NCAPD3: variants seen among roughly 807,000 people sequenced by gnomAD.
NCAPD3 encodes the protein condensin-2 complex subunit D3.
In NCAPD3, 105 loss-of-function variants were observed where a neutral mutation model predicts 182.9. The ratio of observed to expected loss-of-function variants is 0.57; its 90% CI spans 0.49 to 0.68. The LOEUF (loss-of-function observed/expected upper bound fraction) is 0.68, where lower values mean the gene tolerates loss of function less well. Ranked by LOEUF, NCAPD3 falls within the 30% of genes least tolerant of loss-of-function variation. The pLI is 0.00. For synonymous variants in NCAPD3, 815 were observed against 679.9 expected, an observed-to-expected ratio of 1.20 and a Z score of -3.09; for missense variants, 1,944 against 1,837.0, an observed-to-expected ratio of 1.06 and a Z score of -1.07.
upstream of NCAPD3, chr11:134,224,022 C>G: frequency 1.4e-6 from 2 of 1,447,230 alleles, no homozygotes; most frequent in Non-Finnish European, 1.9e-6. Context: ...TCACAACGTA[C>G]AGAATTTCCC....
intron 19 of NCAPD3, among the ~76,000 whole-genome samples, chr11:134,182,778 T>C (rs1163484083): frequency 6.6e-6 from 1 of 152,262 alleles, no homozygotes; most frequent in Non-Finnish European, 1.5e-5. Context: ...CTTTGGGTAA[T>C]CTGTTGCTCT....
intron 30 of NCAPD3, 114 bp from the exon 31 acceptor site, chr11:134,158,181 T>C: frequency 2.0e-6 from 3 of 1,520,048 alleles, no homozygotes; most frequent in East Asian, 2.3e-5. Flanking sequence ...ACCACCCTCA[T>C]TCAAACCTCC....
chr11:134,213,140 C>G (rs978537725), intron 3 of NCAPD3, among the ~76,000 whole-genome samples: 1 of 152,076 alleles, frequency 6.6e-6, no homozygotes, highest in Non-Finnish European at 1.5e-5. Context: ...CCAGCCTGGG[C>G]AACAACATAG....
At position 134,192,779 on chromosome 11, in the gene NCAPD3, CG is replaced by C; in HGVS notation, c.1954del (p.Arg652GlyfsTer30). On this transcript the variant is annotated frameshift_variant, in exon 16 of 35. Coordinates refer to ENST00000534548, the MANE Select transcript of NCAPD3 (RefSeq NM_015261.3). LOFTEE classifies it high-confidence loss of function. ...CCCAGAGTGAAAATGACTGTGATGCCGGATGTTCTGCAGCAGCAGCTGGTCC... is the reference window on the plus strand; with the variant it reads ...CCCAGAGTGAAAATGACTGTGATGCCGATGTTCTGCAGCAGCAGCTGGTCC... ...FLDQLLLQNI[R>X]HHSHFHSGDD... The C allele has an allele frequency of 6.2e-7, 1 of 1,614,188 alleles. No homozygotes were observed. The highest frequency in any genetic ancestry group is 8.5e-7 in the Non-Finnish European group (1 of 1,180,032).
intron 15 of NCAPD3, among the ~76,000 whole-genome samples, chr11:134,193,790 C>CT (rs1165165738): frequency 6.6e-6 from 1 of 152,112 alleles, no homozygotes; most frequent in African/African-American, 2.4e-5. Context: ...GAAGAAAGGG[C>CT]TAACAATTGG....
chr11:134,201,463 T>C (rs994284198), intron 13 of NCAPD3, among the ~76,000 whole-genome samples: 2 of 152,218 alleles, frequency 1.3e-5, no homozygotes, highest in East Asian at 1.9e-4. Context: ...TGTACAATCT[T>C]GTGACTATAC....
intron 24 of NCAPD3, 141 bp from the exon 25 acceptor site, chr11:134,169,195 CG>C (rs1362880001): frequency 1.3e-6 from 1 of 767,848 alleles, no homozygotes; most frequent in East Asian, 3.1e-5. Flanking sequence ...ACAGTTCCCT[CG>C]GATCCAAAGA....
chr11:134,176,402 C>G lies in NCAPD3; in HGVS notation c.3022-16G>C, dbSNP rs202214177. 6.8e-6 allele frequency: 11 copies of G among 1,611,580 alleles called. No individual in the cohort carries two copies. The highest frequency in any genetic ancestry group is 9.3e-6 in the Non-Finnish European group (11 of 1,177,968). ...CAAATTCCTCCTGTGCAGAGAGAAG[C>G]CGGCATGTTTCAGAGTGCGTCATCA... On this transcript the variant is annotated splice_polypyrimidine_tract_variant and intron_variant, in intron 23 of 34. Coordinates refer to ENST00000534548, the MANE Select transcript of NCAPD3 (RefSeq NM_015261.3).
intron 7 of NCAPD3, 50 bp from the exon 8 acceptor site, chr11:134,206,782 G>A: frequency 1.1e-5 from 17 of 1,566,654 alleles, no homozygotes; most frequent in Non-Finnish European, 1.5e-5. Context: ...GAACACAAGG[G>A]TCTCAGACAT....
At chr11:134,155,424 TAAAG>T (rs1943392849) in intron 32 of NCAPD3, among the ~76,000 whole-genome samples, 1 of 152,138 alleles carries the variant, frequency 6.6e-6, no homozygotes, top group Non-Finnish European at 1.5e-5. Context: ...TGGTTCAGTA[TAAAG>T]AGAGACGGAC....
At position 134,202,889 on chromosome 11, in the gene NCAPD3, C is replaced by T; in HGVS notation, c.1542G>A (p.Arg514=). 2.5e-6 allele frequency: 4 copies of T among 1,601,012 alleles called. No homozygotes were observed. The highest frequency in any genetic ancestry group is 3.4e-6 in the Non-Finnish European group (4 of 1,176,770). ...LRNSSAFSYQ[R]QTSNRSEPSG... ...AGGGTTCGGAACGGTTAGATGTCTG[C>T]CTTTGGTAGGAAAAAGCTTTAAAAA... Residue 514 remains arginine (R), a synonymous_variant, in exon 13 of 35, where the codon AGG becomes AGA. Coordinates refer to ENST00000534548, the MANE Select transcript of NCAPD3 (RefSeq NM_015261.3).
chr11:134,204,703 A>AGTTTTTTT lies in NCAPD3; in HGVS notation c.1089+188_1089+195dup, dbSNP rs201693307. 1.3e-5 allele frequency among the ~76,000 whole-genome samples: 2 copies of AGTTTTTTT among 152,040 alleles called. No individual in the cohort carries two copies. Among genetic ancestry groups the AGTTTTTTT allele is most frequent in the Non-Finnish European group, 2.9e-5 (2 of 68,010 alleles). Reference sequence around the variant, plus strand: ...TATGTTCAACATTTTTCCAAAACAAAGTTTTTTTGTTTTTTTGTTTTTTAT... The same window carrying AGTTTTTTT: ...TATGTTCAACATTTTTCCAAAACAAAGTTTTTTTGTTTTTTTGTTTTTTTGTTTTTTAT... On this transcript the variant is annotated intron_variant, in intron 9 of 34. Coordinates refer to ENST00000534548, the MANE Select transcript of NCAPD3 (RefSeq NM_015261.3). The surrounding 1 kb of genome is among the most constrained non-coding windows in gnomAD (Gnocchi z 4.3).
intron 27 of NCAPD3, among the ~76,000 whole-genome samples, chr11:134,165,542 G>A (rs909330294): frequency 6.6e-6 from 1 of 150,400 alleles, no homozygotes; most frequent in African/African-American, 2.5e-5. Context: ...ATGAGCTTAG[G>A]GGAGCAGCAC....
At chr11:134,208,672 T>C (rs1239941335) in intron 7 of NCAPD3, among the ~76,000 whole-genome samples, 192 bp downstream of exon 7, 3 of 152,320 alleles carry the variant, frequency 2.0e-5, no homozygotes, top group South Asian at 2.1e-4. Flanking sequence ...TATTCAGATA[T>C]AAAGTTGGCA....
chr11:134,217,545 T>C (rs1938074006), intron 2 of NCAPD3, among the ~76,000 whole-genome samples: 1 of 152,094 alleles, frequency 6.6e-6, no homozygotes, highest in Admixed American at 6.5e-5. Flanking sequence ...TTGCAGGCAA[T>C]GGGAGCAGGA....
At chr11:134,156,061 C>G (rs901999139) in intron 32 of NCAPD3, among the ~76,000 whole-genome samples, 1 of 152,198 alleles carries the variant, frequency 6.6e-6, no homozygotes, top group Non-Finnish European at 1.5e-5. Context: ...GCTCTGTTAC[C>G]AGGAAGAGCA....
intron 13 of NCAPD3, among the ~76,000 whole-genome samples, chr11:134,198,679 G>A (rs981988038): frequency 1.3e-5 from 2 of 152,212 alleles, no homozygotes; most frequent in Admixed American, 6.5e-5. Context: ...TCTATTTACA[G>A]ATGACTTGTT....
chr11:134,215,080 A>T (rs1016742300), intron 3 of NCAPD3, among the ~76,000 whole-genome samples: 26 of 152,246 alleles, frequency 1.7e-4, no homozygotes, highest in Admixed American at 6.5e-5. Flanking sequence ...CTATATTAGA[A>T]TAAGAAACAA....
In NCAPD3 at chr11:134,152,855, G is replaced by A. The variant is rs907865637; in HGVS notation, c.*89C>T. 1.8e-5 allele frequency: 19 copies of A among 1,064,964 alleles called. No individual in the cohort carries two copies. Among genetic ancestry groups the A allele is most frequent in the Non-Finnish European group, 2.2e-5 (16 of 727,236 alleles). 66.0% of individuals were successfully genotyped at this position (1,064,964 alleles called of 1,614,324 possible). A position where few individuals can be genotyped will look rare whatever the true frequency, so the allele number is the denominator to read the frequency against. On this transcript the variant is annotated 3_prime_UTR_variant, in exon 35 of 35. Transcript: ENST00000534548. Reference sequence around the variant, plus strand: ...CAGCAAAGCGCTGCCCAAGGACTGCGGGAAGTGATCCAGCTGCCTTCACAC... The same window carrying A: ...CAGCAAAGCGCTGCCCAAGGACTGCAGGAAGTGATCCAGCTGCCTTCACAC...
Sources: gnomAD v4.1 joint callset for allele counts (sites outside exome capture counted in the v4.1 genomes callset) on GRCh38, gnomAD v4.1.1 for gene constraint, Gnocchi (gnomAD v3.1) non-coding constraint, MANE v1.5 for transcripts, NCBI Gene and HGNC (gene_info 2026-07-23, HGNC 2026-07-21) for gene names.